The following GLDN variants were observed in gnomAD, a reference collection of about 807,000 sequenced individuals.
GLDN encodes collomin.
Under a neutral mutation model 56.5 loss-of-function variants are expected in GLDN, and 47 were observed. The ratio of observed to expected loss-of-function variants is 0.83; its 90% CI spans 0.66 to 1.06. The LOEUF is 1.06. Ranked by LOEUF, GLDN falls within the 50% of genes least tolerant of loss-of-function variation. The probability of loss-of-function intolerance (pLI) is 0.00; values close to 1 mark genes in which losing one functional copy is unlikely to be tolerated. For missense variants in GLDN, 782 were observed against 714.3 expected, an observed-to-expected ratio of 1.09 and a Z score of -1.08; for synonymous variants, 332 against 278.8, an observed-to-expected ratio of 1.19 and a Z score of -1.90.
At chr15:51,403,881 G>A (rs2038310451) in intron 9 of GLDN, among the ~76,000 whole-genome samples, 1 of 152,194 alleles carries the variant, frequency 6.6e-6, no homozygotes, top group African/African-American at 2.4e-5. Flanking sequence ...GATTGGACTA[G>A]ATCCTCTTTT....
chr15:51,358,489 C>T (rs1402459530), intron 1 of GLDN, among the ~76,000 whole-genome samples: 1 of 152,154 alleles, frequency 6.6e-6, no homozygotes, highest in African/African-American at 2.4e-5. Context: ...AGTCCCGGTC[C>T]CCTTTTCTGT....
chr15:51,401,249 T>C (rs1356513299), intron 8 of GLDN, among the ~76,000 whole-genome samples: 1 of 152,144 alleles, frequency 6.6e-6, no homozygotes, highest in Non-Finnish European at 1.5e-5. Flanking sequence ...AGGCAAGAGG[T>C]GATTGCCCAA....
At chr15:51,408,775 T>C (rs1052238649), downstream of GLDN, among the ~76,000 whole-genome samples, 5 of 152,128 alleles carry the variant, frequency 3.3e-5, no homozygotes, top group Admixed American at 2.6e-4. Flanking sequence ...AGTGAGAACA[T>C]GCGGTATTTG....
intron 1 of GLDN, among the ~76,000 whole-genome samples, chr15:51,344,095 C>G (rs2036934824): frequency 6.6e-6 from 1 of 152,238 alleles, no homozygotes. Flanking sequence ...TTCTACCAAG[C>G]TCCCACTGCT....
intron 1 of GLDN, among the ~76,000 whole-genome samples, chr15:51,357,254 T>C (rs1362899557): frequency 4.6e-5 from 7 of 152,230 alleles, no homozygotes; most frequent in South Asian, 4.1e-4. Context: ...ATTTCTCTAA[T>C]TGAGCCGTAA....
intron 4 of GLDN, among the ~76,000 whole-genome samples, chr15:51,390,296 A>G (rs1041249843): frequency 3.3e-5 from 5 of 152,228 alleles, no homozygotes; most frequent in African/African-American, 1.2e-4. Flanking sequence ...AAAAGTCGGG[A>G]AGGAGAAACT....
intron 1 of GLDN, among the ~76,000 whole-genome samples, chr15:51,369,973 G>A (rs189054198): frequency 5.3e-5 from 8 of 152,152 alleles, no homozygotes; most frequent in East Asian, 1.9e-4. Context: ...TAAATTAGCC[G>A]GGCATGGTGC....
intron 5 of GLDN, among the ~76,000 whole-genome samples, chr15:51,395,215 T>G (rs1213475808): frequency 1.3e-5 from 2 of 152,188 alleles, no homozygotes; most frequent in Non-Finnish European, 2.9e-5. Flanking sequence ...TAATTGGGTC[T>G]AAAAGCCATG....
In GLDN at chr15:51,341,697, G is replaced by C; in HGVS notation, c.13G>C (p.Ala5Pro). 1 of 1,422,584 alleles carries C rather than the reference G, an allele frequency of 7.0e-7. No homozygotes were observed. The highest frequency in any genetic ancestry group is 1.6e-5 in the South Asian group (1 of 63,612). The allele number at this position is 1,422,584 out of a possible 1,614,324, so 88.1% of individuals were successfully genotyped here. ...AGGCGCATAGAGCATGGCCCGAGGC[G>C]CTGAGGGAGGCCGTGGGGACGCGGG... is the stretch of plus-strand genomic sequence containing the variant. MARG[A>P]EGGRGDAGWG... Residue 5 changes from alanine (A) to proline (P), a missense_variant, in exon 1 of 10, where the codon GCT (alanine) becomes CCT (proline). By Grantham distance (27) the Ala-to-Pro change is conservative. Transcript: ENST00000335449.
intron 4 of GLDN, among the ~76,000 whole-genome samples, chr15:51,389,815 A>T (rs1000978877): frequency 6.6e-6 from 1 of 152,144 alleles, no homozygotes; most frequent in African/African-American, 2.4e-5. Context: ...CCTGGGTACT[A>T]GTGGGGACCC....
At chr15:51,382,336 C>G (rs1321293692) in intron 2 of GLDN, among the ~76,000 whole-genome samples, 1 of 152,036 alleles carries the variant, frequency 6.6e-6, no homozygotes, top group Non-Finnish European at 1.5e-5. Context: ...ACTGTGAACA[C>G]AACAGGATAC....
At chr15:51,399,297 T>C (rs896596242) in intron 6 of GLDN, among the ~76,000 whole-genome samples, 17 of 152,188 alleles carry the variant, frequency 1.1e-4, no homozygotes, top group African/African-American at 4.1e-4. Context: ...AAAGGAGCCC[T>C]TCAGATTACC....
chr15:51,345,982 G>A (rs892784414), intron 1 of GLDN, among the ~76,000 whole-genome samples: 5 of 152,278 alleles, frequency 3.3e-5, no homozygotes, highest in East Asian at 3.9e-4. Flanking sequence ...TGCAAAACCT[G>A]TGTGTGTATC....
At chr15:51,366,385 A>G (rs887482430) in intron 1 of GLDN, among the ~76,000 whole-genome samples, 14 of 152,238 alleles carry the variant, frequency 9.2e-5, no homozygotes, top group African/African-American at 3.4e-4. Flanking sequence ...AAGACTGGGC[A>G]AGGCTGAAAA....
chr15:51,368,457 G>A (rs1166870356), intron 1 of GLDN, among the ~76,000 whole-genome samples: 1 of 151,898 alleles, frequency 6.6e-6, no homozygotes, highest in Non-Finnish European at 1.5e-5. Context: ...CCAGGCCGCT[G>A]ATGTGGGATG....
At chr15:51,387,212 G>A (rs1184447956) in intron 4 of GLDN, among the ~76,000 whole-genome samples, 1 of 152,166 alleles carries the variant, frequency 6.6e-6, no homozygotes, top group African/African-American at 2.4e-5. Flanking sequence ...CACCAGGAGA[G>A]GGTGGGGACG....
At chr15:51,392,879 G>A (rs944447210) in intron 4 of GLDN, among the ~76,000 whole-genome samples, 10 of 152,058 alleles carry the variant, frequency 6.6e-5, no homozygotes, top group African/African-American at 1.4e-4. Context: ...ATCTGCAAAC[G>A]GTCTTCATCC....
Position 51,377,464 on chromosome 15 carries a change from G to A in GLDN, c.379G>A (p.Asp127Asn). 2 of 1,614,060 alleles carry A rather than the reference G, an allele frequency of 1.2e-6. No homozygotes were observed. Among genetic ancestry groups the A allele is most frequent in the Non-Finnish European group, 1.7e-6 (2 of 1,179,950 alleles). The change falls in exon 2 of 10, where the codon GAC (aspartate) becomes AAC (asparagine). Residue 127 changes from aspartate to asparagine, a missense_variant. Physicochemically the swap from Asp to Asn is conservative, Grantham distance 23. Coordinates refer to ENST00000335449, the MANE Select transcript of GLDN (RefSeq NM_181789.4). ...YSMVPIRVMVDLCNSTKGICL... is the reference protein window; with the variant it reads ...YSMVPIRVMVNLCNSTKGICL... Reference sequence around the variant, plus strand: ...TCCCCTGCAGATCCGAGTGATGGTGGACCTGTGCAACAGCACCAAGGGCAT... The same window carrying A: ...TCCCCTGCAGATCCGAGTGATGGTGAACCTGTGCAACAGCACCAAGGGCAT...
intron 4 of GLDN, among the ~76,000 whole-genome samples, chr15:51,393,453 G>A (rs8036694): frequency 0.038 from 5,749 of 152,256 alleles, 186 homozygotes; most frequent in African/African-American, 0.091. Flanking sequence ...TGGGAATGAG[G>A]ACTTTTTCCT....
Sources: allele counts gnomAD v4.1 joint callset (sites outside exome capture counted in the v4.1 genomes callset), GRCh38; gene constraint gnomAD v4.1.1; transcripts MANE v1.5; gene names NCBI Gene and HGNC (gene_info 2026-07-23, HGNC 2026-07-21).